KAZN: variants seen among roughly 807,000 people sequenced by gnomAD.
The protein encoded by KAZN is kazrin, periplakin interacting protein, also known as kazrin.
A neutral mutation model predicts 87.4 loss-of-function variants in KAZN; 40 were observed. The ratio of observed to expected loss-of-function variants is 0.46; its 90% CI spans 0.36 to 0.60. The LOEUF is 0.60. Among genes scored for constraint, KAZN ranks in the 20% least tolerant of loss-of-function variants. The pLI is 0.00. For missense variants in KAZN, 898 were observed against 1,073.9 expected (o/e 0.84, Z 2.29); for synonymous variants, 466 against 458.3 (o/e 1.02, Z -0.22).
At chr1:14,090,597 T>A (rs1330812775) in intron 1 of KAZN, among the ~76,000 whole-genome samples, 1 of 152,232 alleles carries the variant, frequency 6.6e-6, no homozygotes, top group Admixed American at 6.5e-5. Context: ...TTTCTGAGTC[T>A]GTTTATACTG....
At chr1:14,844,534 C>A (rs902065756) in intron 1 of KAZN, among the ~76,000 whole-genome samples, 9 of 152,156 alleles carry the variant, frequency 5.9e-5, no homozygotes, top group Non-Finnish European at 1.2e-4. Context: ...TGAACATGCG[C>A]TAGAAGTATG....
intron 1 of KAZN, among the ~76,000 whole-genome samples, chr1:14,143,341 C>T (rs996386099): frequency 1.3e-5 from 2 of 152,168 alleles, no homozygotes; most frequent in Admixed American, 6.5e-5. Context: ...CCCCACTATT[C>T]CACTGCTCCC....
At chr1:14,693,097 AG>A (rs1352316578) in intron 1 of KAZN, among the ~76,000 whole-genome samples, 1 of 152,198 alleles carries the variant, frequency 6.6e-6, no homozygotes, top group East Asian at 1.9e-4. Context: ...GGTGTCCAAA[AG>A]CTCCATGTTG....
At chr1:14,662,522 TAGC>T (rs1200919977) in intron 1 of KAZN, among the ~76,000 whole-genome samples, 1 of 152,170 alleles carries the variant, frequency 6.6e-6, no homozygotes, top group African/African-American at 2.4e-5. Flanking sequence ...GCACCATTCC[TAGC>T]AGCTCCTCCC....
intron 1 of KAZN, among the ~76,000 whole-genome samples, chr1:14,859,165 C>A (rs1308054167): frequency 6.6e-6 from 1 of 151,600 alleles, no homozygotes; most frequent in Non-Finnish European, 1.5e-5. Context: ...CGAGATTGCG[C>A]CACTGCACTC....
At chr1:13,976,643 T>C (rs886131843) in intron 1 of KAZN, among the ~76,000 whole-genome samples, 1 of 152,122 alleles carries the variant, frequency 6.6e-6, no homozygotes, top group Non-Finnish European at 1.5e-5. Flanking sequence ...CCTGTGGAAG[T>C]GCAGATTATA....
At chr1:13,945,952 T>G (rs1641133981) in intron 1 of KAZN, among the ~76,000 whole-genome samples, 1 of 152,126 alleles carries the variant, frequency 6.6e-6, no homozygotes, top group Non-Finnish European at 1.5e-5. Context: ...AGCACAGTTA[T>G]GGGTCTTGGT....
intron 2 of KAZN, among the ~76,000 whole-genome samples, chr1:14,288,430 T>C (rs893319184): frequency 3.3e-5 from 5 of 152,234 alleles, no homozygotes; most frequent in African/African-American, 1.2e-4. Flanking sequence ...TCCACGAATT[T>C]ATCCATTTCT....
intron 1 of KAZN, among the ~76,000 whole-genome samples, chr1:14,010,773 GTGACATAAGAGAAAGCC>G: frequency 6.6e-6 from 1 of 152,220 alleles, no homozygotes; most frequent in East Asian, 1.9e-4. Flanking sequence ...AAGGATCTGA[GTGACATAAGAGAAAGCC>G]TGACAGCTTC....
chr1:15,103,885 C>T, intron 12 of KAZN, 138 bp from the exon 13 acceptor site: 4 of 844,230 alleles, frequency 4.7e-6, no homozygotes, highest in Non-Finnish European at 7.3e-6. Context: ...GGAGGGGTTC[C>T]TCTTCACCGT....
At chr1:14,347,151 C>T (rs1386857190) in intron 2 of KAZN, among the ~76,000 whole-genome samples, 1 of 152,204 alleles carries the variant, frequency 6.6e-6, no homozygotes, top group Non-Finnish European at 1.5e-5. Flanking sequence ...TGTTCCCGCT[C>T]CTATCCCAGC....
chr1:15,051,626 G>A (rs138819531), intron 4 of KAZN, among the ~76,000 whole-genome samples: 9 of 152,280 alleles, frequency 5.9e-5, no homozygotes, highest in African/African-American at 9.6e-5. Context: ...CATTATCCCC[G>A]TTAGACAGCT....
intron 1 of KAZN, among the ~76,000 whole-genome samples, chr1:14,142,704 G>A (rs1037562680): frequency 2.0e-5 from 3 of 152,220 alleles, no homozygotes; most frequent in Non-Finnish European, 4.4e-5. Flanking sequence ...CATTTTCATG[G>A]ACATGGTCAC....
At chr1:15,026,775 T>C (rs1282821988) in intron 2 of KAZN, among the ~76,000 whole-genome samples, 1 of 152,214 alleles carries the variant, frequency 6.6e-6, no homozygotes, top group African/African-American at 2.4e-5. Flanking sequence ...CAAGACATAT[T>C]TCTTATCATT....
At position 14,013,694 on chromosome 1, in the gene KAZN, C is replaced by T. The variant is rs1022722555; in HGVS notation, c.91+119938C>T. Among the ~76,000 whole-genome samples, 4 of 152,328 alleles carry T rather than the reference C, an allele frequency of 2.6e-5. No individual in the cohort carries two copies. In the East Asian group the frequency reaches 7.7e-4, roughly 29 times the overall value. ...TTATTTTCCTGACACCGTAATCAAACTGAAATTGTGCCAACCTTTCCATTG... is the reference window on the plus strand; with the variant it reads ...TTATTTTCCTGACACCGTAATCAAATTGAAATTGTGCCAACCTTTCCATTG... On this transcript the variant is annotated intron_variant, in intron 1 of 16. Coordinates refer to the KAZN transcript ENST00000636203.
intron 2 of KAZN, among the ~76,000 whole-genome samples, chr1:14,430,738 G>C (rs1032125112): frequency 2.0e-5 from 3 of 152,226 alleles, no homozygotes; most frequent in African/African-American, 7.2e-5. Flanking sequence ...AGGGTGCTGA[G>C]CACAAGCAGC....
chr1:14,375,661 C>T (rs914317001), intron 2 of KAZN, among the ~76,000 whole-genome samples: 48 of 151,976 alleles, frequency 3.2e-4, no homozygotes, highest in African/African-American at 1.1e-3. Context: ...CCGAGGTGGG[C>T]GGATCACGAG....
intron 2 of KAZN, among the ~76,000 whole-genome samples, chr1:14,185,819 A>T (rs1646292393): frequency 6.6e-6 from 1 of 152,168 alleles, no homozygotes; most frequent in African/African-American, 2.4e-5. Flanking sequence ...GCTTGTGTCT[A>T]GGGTTTTTTT....
intron 2 of KAZN, among the ~76,000 whole-genome samples, chr1:14,367,160 C>T (rs1041004905): frequency 3.9e-5 from 6 of 152,020 alleles, no homozygotes; most frequent in Admixed American, 2.6e-4. Context: ...ACACAGGAGG[C>T]GGAGGTTGCA....
Sources: gnomAD v4.1 joint callset for allele counts (sites outside exome capture counted in the v4.1 genomes callset) on GRCh38, gnomAD v4.1.1 for gene constraint, MANE v1.5 for transcripts, NCBI Gene and HGNC (gene_info 2026-07-23, HGNC 2026-07-21) for gene names.